Variants in CLSTN2 observed in about 807,000 individuals in gnomAD.
CLSTN2 encodes calsyntenin 2.
Under a neutral mutation model 101.2 loss-of-function variants are expected in CLSTN2, and 48 were observed. That is an observed-to-expected ratio of 0.47 (90% CI 0.38 to 0.60). CLSTN2 has a LOEUF of 0.60. CLSTN2 is among the 20% of genes least tolerant of loss of function. The pLI is 0.00. For synonymous variants in CLSTN2, 481 were observed against 463.6 expected, an observed-to-expected ratio of 1.04 and a Z score of -0.48; for missense variants, 1,160 against 1,238.2, an observed-to-expected ratio of 0.94 and a Z score of 0.95.
At chr3:140,412,391 G>C (rs973715623) in intron 4 of CLSTN2, among the ~76,000 whole-genome samples, 1 of 152,200 alleles carries the variant, frequency 6.6e-6, no homozygotes, top group African/African-American at 2.4e-5. Flanking sequence ...CTGAAAGGTA[G>C]TCACTGTGGC....
At chr3:140,036,109 C>A (rs529167008) in intron 1 of CLSTN2, among the ~76,000 whole-genome samples, 2 of 152,322 alleles carry the variant, frequency 1.3e-5, no homozygotes, top group South Asian at 4.1e-4. Context: ...AATCTGTGAG[C>A]TCTGCAGGGG....
At chr3:139,941,003 C>A (rs1935116849) in intron 1 of CLSTN2, among the ~76,000 whole-genome samples, 1 of 152,044 alleles carries the variant, frequency 6.6e-6, no homozygotes, top group Admixed American at 6.5e-5. Context: ...AGCCCTGCTA[C>A]CTGAGAAAAC....
Position 140,563,881 on chromosome 3 carries a change from G to C in CLSTN2, c.2483-80G>C, listed in dbSNP as rs939620090. On this transcript the variant is annotated intron_variant, in intron 15 of 16. Transcript: ENST00000458420. Reference sequence around the variant, plus strand: ...GTAGGGCAGACTTTATCCTATGCACGGATGTTTCATTCATGCTCCCTCACA... The same window carrying C: ...GTAGGGCAGACTTTATCCTATGCACCGATGTTTCATTCATGCTCCCTCACA... The C allele has an allele frequency of 5.7e-6, 8 of 1,412,222 alleles. No homozygotes were observed. In the East Asian group the frequency reaches 1.8e-4, roughly 32 times the overall value. The allele number at this position is 1,412,222 out of a possible 1,614,324, so 87.5% of individuals were successfully genotyped here. A position where few individuals can be genotyped will look rare whatever the true frequency, so the allele number is the denominator to read the frequency against.
At chr3:140,081,114 C>T (rs994397318) in intron 1 of CLSTN2, among the ~76,000 whole-genome samples, 1 of 152,118 alleles carries the variant, frequency 6.6e-6, no homozygotes, top group African/African-American at 2.4e-5. Context: ...CAGAATGGAA[C>T]AAAAGGTGAA....
At chr3:140,263,276 A>C (rs1030072045) in intron 2 of CLSTN2, among the ~76,000 whole-genome samples, 1 of 152,170 alleles carries the variant, frequency 6.6e-6, no homozygotes, top group Admixed American at 6.5e-5. Context: ...ATGTTAGGAA[A>C]TGTAGGGGAC....
At chr3:140,494,879 T>C (rs1934431095) in intron 8 of CLSTN2, among the ~76,000 whole-genome samples, 1 of 151,286 alleles carries the variant, frequency 6.6e-6, no homozygotes, top group African/African-American at 2.5e-5. Flanking sequence ...GACATTTGGA[T>C]TGATTCTATG....
At chr3:140,052,021 C>T (rs2008006507) in intron 1 of CLSTN2, among the ~76,000 whole-genome samples, 1 of 152,192 alleles carries the variant, frequency 6.6e-6, no homozygotes, top group Non-Finnish European at 1.5e-5. Context: ...AGCGAAGACT[C>T]AGATAGTTTA....
chr3:140,396,722 T>G (rs1009988524), intron 2 of CLSTN2, among the ~76,000 whole-genome samples: 1 of 152,182 alleles, frequency 6.6e-6, no homozygotes, highest in Admixed American at 6.5e-5. Flanking sequence ...CAATTTATTA[T>G]GTGGACATGC....
intron 1 of CLSTN2, among the ~76,000 whole-genome samples, chr3:140,122,705 A>G (rs375248222): frequency 1.3e-5 from 2 of 152,124 alleles, no homozygotes; most frequent in South Asian, 4.2e-4. Context: ...GAGGCCCCCA[A>G]GTGATGGGCC....
At chr3:140,058,909 G>T (rs377618667) in intron 1 of CLSTN2, among the ~76,000 whole-genome samples, 21 of 152,318 alleles carry the variant, frequency 1.4e-4, no homozygotes, top group African/African-American at 5.1e-4. Context: ...GGAGGAGGGG[G>T]AGGGCCCTGA....
chr3:139,975,212 A>T (rs1026124244), intron 1 of CLSTN2, among the ~76,000 whole-genome samples: 2 of 152,184 alleles, frequency 1.3e-5, no homozygotes, highest in Non-Finnish European at 2.9e-5. Context: ...TAGCAGGCAC[A>T]GCCTCAAGAA....
At chr3:140,052,839 A>G (rs1411436935) in intron 1 of CLSTN2, among the ~76,000 whole-genome samples, 4 of 152,228 alleles carry the variant, frequency 2.6e-5, no homozygotes, top group Admixed American at 2.0e-4. Context: ...TCTTGGGCAC[A>G]TTACCTAACC....
At chr3:140,368,537 G>T (rs982843185) in intron 2 of CLSTN2, among the ~76,000 whole-genome samples, 2 of 152,168 alleles carry the variant, frequency 1.3e-5, no homozygotes, top group African/African-American at 4.8e-5. Flanking sequence ...AGGCCAAGGG[G>T]TGGTATCTAT....
intron 2 of CLSTN2, among the ~76,000 whole-genome samples, chr3:140,386,902 T>C (rs1220900150): frequency 6.6e-6 from 1 of 152,222 alleles, no homozygotes; most frequent in African/African-American, 2.4e-5. Context: ...GCCTGTGCCC[T>C]AAACTTGCTG....
At chr3:140,366,822 C>T (rs1329935572) in intron 2 of CLSTN2, among the ~76,000 whole-genome samples, 3 of 152,150 alleles carry the variant, frequency 2.0e-5, no homozygotes, top group Admixed American at 6.5e-5. Context: ...TCCCTTGTAG[C>T]GTCAGGGACC....
intron 2 of CLSTN2, among the ~76,000 whole-genome samples, chr3:140,330,578 C>T (rs1286547305): frequency 1.3e-5 from 2 of 152,274 alleles, no homozygotes; most frequent in East Asian, 1.9e-4. Context: ...TTCCTGAGGT[C>T]ACCTCCCAAG....
intron 2 of CLSTN2, among the ~76,000 whole-genome samples, chr3:140,198,551 T>C (rs529733997): frequency 4.3e-4 from 65 of 152,264 alleles, no homozygotes; most frequent in African/African-American, 1.5e-3. Context: ...TTGCTGGCTG[T>C]CAGCTGGGGG....
chr3:140,283,943 T>A (rs1030271188), intron 2 of CLSTN2, among the ~76,000 whole-genome samples: 3 of 152,224 alleles, frequency 2.0e-5, no homozygotes, highest in Admixed American at 2.0e-4. Context: ...TTCAGTGAGT[T>A]ACTTTGCTCT....
At chr3:140,262,819 T>C (rs1443308351) in intron 2 of CLSTN2, among the ~76,000 whole-genome samples, 2 of 152,018 alleles carry the variant, frequency 1.3e-5, no homozygotes, top group African/African-American at 4.8e-5. Context: ...CAGTAGAATG[T>C]TGACATTATG....
Sources: allele counts gnomAD v4.1 joint callset (sites outside exome capture counted in the v4.1 genomes callset), GRCh38; gene constraint gnomAD v4.1.1; transcripts MANE v1.5; gene names NCBI Gene and HGNC (gene_info 2026-07-23, HGNC 2026-07-21).